NUDCD1: variants seen among roughly 807,000 people sequenced by gnomAD.
NUDCD1 encodes nudC domain-containing protein 1.
A neutral mutation model predicts 67.8 loss-of-function variants in NUDCD1; 60 were observed. That is an observed-to-expected ratio of 0.88 (90% CI 0.72 to 1.10). The LOEUF (loss-of-function observed/expected upper bound fraction) is 1.10. Ranked by LOEUF, NUDCD1 falls within the 50% of genes least tolerant of loss-of-function variation. The pLI is 0.00. For synonymous variants in NUDCD1, 244 were observed against 230.8 expected (o/e 1.06, Z -0.52); for missense variants, 643 against 695.0 (o/e 0.93, Z 0.84).
At chr8:109,267,144 T>C (rs1814022176) in intron 8 of NUDCD1, among the ~76,000 whole-genome samples, 1 of 152,202 alleles carries the variant, frequency 6.6e-6, no homozygotes, top group Non-Finnish European at 1.5e-5. Flanking sequence ...AAATTTTATG[T>C]TCAGGGGTAC....
chr8:109,249,837 T>G (rs2980597), intron 8 of NUDCD1, among the ~76,000 whole-genome samples: 2 of 149,280 alleles, frequency 1.3e-5, no homozygotes, highest in Non-Finnish European at 1.5e-5. Flanking sequence ...ATATAAAGAA[T>G]TGTTGAATTC....
chr8:109,248,411 C>T (rs1813548635), intron 8 of NUDCD1, among the ~76,000 whole-genome samples: 1 of 152,122 alleles, frequency 6.6e-6, no homozygotes, highest in African/African-American at 2.4e-5. Flanking sequence ...GAAGTCTGCC[C>T]TTTTTTCTCC....
intron 2 of NUDCD1, among the ~76,000 whole-genome samples, chr8:109,311,572 T>TATATATATATATA (rs1554617143): frequency 8.3e-5 from 12 of 145,346 alleles, no homozygotes; most frequent in African/African-American, 1.9e-4. Flanking sequence ...TATATATATA[T>TATATATATATATA]GATGGGATAC....
At chr8:109,297,012 A>T (rs972960246) in intron 2 of NUDCD1, among the ~76,000 whole-genome samples, 13 of 152,200 alleles carry the variant, frequency 8.5e-5, no homozygotes, top group African/African-American at 2.9e-4. Context: ...TTTTGGCTAT[A>T]AACTCATGAA....
chr8:109,315,624 TAAG>T (rs1554617590), intron 2 of NUDCD1: 1 of 152,124 alleles, frequency 6.6e-6, no homozygotes, highest in Non-Finnish European at 1.5e-5. Context: ...TGATCAAGCA[TAAG>T]AAGGGTATGA....
chr8:109,308,397 T>C (rs1315690656), intron 2 of NUDCD1, among the ~76,000 whole-genome samples: 1 of 151,742 alleles, frequency 6.6e-6, no homozygotes, highest in Non-Finnish European at 1.5e-5. Flanking sequence ...AAACAGACAA[T>C]CTAAGGTCAC....
intron 2 of NUDCD1, among the ~76,000 whole-genome samples, chr8:109,312,820 A>C (rs149711684): frequency 6.6e-6 from 1 of 152,330 alleles, no homozygotes; most frequent in East Asian, 1.9e-4. Context: ...ACATCAGATA[A>C]GGCCTCTGCA....
chr8:109,332,678 T>C (rs1356173982), intron 1 of NUDCD1, among the ~76,000 whole-genome samples: 1 of 152,214 alleles, frequency 6.6e-6, no homozygotes, highest in Non-Finnish European at 1.5e-5. Flanking sequence ...CTTCTTGTTT[T>C]GAGACACTGA....
chr8:109,242,777 A>G lies in NUDCD1; in HGVS notation c.*232T>C, dbSNP rs1320048417. 2.0e-5 allele frequency: 6 copies of G among 298,668 alleles called. No individual in the cohort carries two copies. The highest frequency in any genetic ancestry group is 1.7e-4 in the East Asian group (3 of 18,018). 18.5% of individuals were successfully genotyped at this position (298,668 alleles called of 1,614,324 possible). On this transcript the variant is annotated 3_prime_UTR_variant, in exon 10 of 10. Transcript: ENST00000239690. ...AAAAATAAGTATACTTGCTAGTACT[A>G]TCTTCACTCTTTTTTTTTTTCAGAA...
rs139666666 is a variant in NUDCD1, at chr8:109,296,401, C to T, written c.442G>A (p.Ala148Thr). The T allele has an allele frequency of 1.7e-5, 28 of 1,612,520 alleles. No homozygotes were observed. In the Middle Eastern group the frequency reaches 5.0e-4, roughly 29 times the overall value. The change falls in exon 3 of 10, where the codon GCT becomes ACT. Residue 148 changes from alanine (A) to threonine (T), a missense_variant. Ala to Thr is a moderately conservative substitution (Grantham distance 58). Coordinates refer to ENST00000239690, the MANE Select transcript of NUDCD1 (RefSeq NM_032869.4). ...VIGTGERGNS[A>T]SEKWEIMFNE... ...ACCCTCACCTCCCATTTTTCAGAAG[C>T]GCTATTTCCACGTTCACCTGTTCCA...
chr8:109,287,936 C>G (rs1322878729), intron 5 of NUDCD1, among the ~76,000 whole-genome samples: 2 of 151,992 alleles, frequency 1.3e-5, no homozygotes, highest in South Asian at 4.1e-4. Flanking sequence ...GCTTTGAGTA[C>G]CTTTCTATGC....
chr8:109,285,468 C>CAA (rs1424440016), intron 5 of NUDCD1, among the ~76,000 whole-genome samples: 3 of 152,148 alleles, frequency 2.0e-5, no homozygotes, highest in African/African-American at 7.2e-5. Context: ...TGACCATGAT[C>CAA]AAGTAAGCTT....
chr8:109,252,554 C>A (rs983686732), intron 8 of NUDCD1, among the ~76,000 whole-genome samples: 1 of 152,168 alleles, frequency 6.6e-6, no homozygotes, highest in East Asian at 1.9e-4. Flanking sequence ...GTCCTGCCCT[C>A]GCCAAGGTCC....
At chr8:109,266,014 C>G (rs1813983685) in intron 8 of NUDCD1, among the ~76,000 whole-genome samples, 1 of 151,802 alleles carries the variant, frequency 6.6e-6, no homozygotes, top group East Asian at 1.9e-4. Context: ...CTTTCACCTT[C>G]TGGTCATTCA....
intron 8 of NUDCD1, among the ~76,000 whole-genome samples, chr8:109,266,663 G>A (rs906894537): frequency 6.6e-6 from 1 of 152,000 alleles, no homozygotes; most frequent in African/African-American, 2.4e-5. Flanking sequence ...GTCACCATAT[G>A]GCCAGAGGCT....
intron 2 of NUDCD1, chr8:109,316,620 GC>G (rs1169075911): frequency 6.6e-6 from 1 of 152,156 alleles, no homozygotes; most frequent in Non-Finnish European, 1.5e-5. Context: ...TTCTCTACCT[GC>G]CTGCACCTGA....
intron 5 of NUDCD1, among the ~76,000 whole-genome samples, chr8:109,284,506 C>G (rs571172250): frequency 1.3e-5 from 2 of 152,056 alleles, no homozygotes; most frequent in Non-Finnish European, 2.9e-5. Flanking sequence ...GAACATACTC[C>G]AAGATCACTC....
Position 109,245,338 on chromosome 8 carries a change from T to G in NUDCD1, c.1443A>C (p.Ala481=). The G allele has an allele frequency of 6.2e-7, 1 of 1,613,292 alleles. No individual in the cohort carries two copies. The highest frequency in any genetic ancestry group is 8.5e-7 in the Non-Finnish European group (1 of 1,179,666). The change falls in exon 9 of 10, where the codon GCA becomes GCC. Residue 481 remains alanine, a synonymous_variant. Transcript: ENST00000239690. ...SKQDDMWEHI[A]TFNALGYVQA... Reference sequence around the variant, plus strand: ...GCTTTATACCTAAAGCATTGAAAGTTGCGATGTGCTCCCACATATCATCTT... The same window carrying G: ...GCTTTATACCTAAAGCATTGAAAGTGGCGATGTGCTCCCACATATCATCTT...
chr8:109,254,113 G>A (rs1427469030), intron 8 of NUDCD1, among the ~76,000 whole-genome samples: 2 of 152,196 alleles, frequency 1.3e-5, no homozygotes, highest in Non-Finnish European at 2.9e-5. Flanking sequence ...GAGAAGGACT[G>A]TGGCTTTGGG....
Sources: allele counts gnomAD v4.1 joint callset (sites outside exome capture counted in the v4.1 genomes callset), GRCh38; gene constraint gnomAD v4.1.1; transcripts MANE v1.5; gene names NCBI Gene and HGNC (gene_info 2026-07-23, HGNC 2026-07-21).